KIF16B: variants seen among roughly 807,000 people sequenced by gnomAD.
KIF16B encodes kinesin-like protein KIF16B.
Under a neutral mutation model 156.3 loss-of-function variants are expected in KIF16B, and 98 were observed. The ratio of observed to expected loss-of-function variants is 0.63; its 90% CI spans 0.53 to 0.74. The LOEUF (loss-of-function observed/expected upper bound fraction) is 0.74. Ranked by LOEUF, KIF16B falls within the 30% of genes least tolerant of loss-of-function variation. The pLI is 0.00. For missense variants in KIF16B, 1,421 were observed against 1,606.5 expected (o/e 0.88, Z 1.97); for synonymous variants, 564 against 583.7 (o/e 0.97, Z 0.49).
At chr20:16,431,910 G>A (rs941589327) in intron 12 of KIF16B, among the ~76,000 whole-genome samples, 11 of 56,282 alleles carry the variant, frequency 2.0e-4, no homozygotes, top group African/African-American at 8.4e-4. Context: ...ATATGTATAC[G>A]TATACACACA....
intron 24 of KIF16B, among the ~76,000 whole-genome samples, chr20:16,317,195 G>C (rs1359467461): frequency 6.6e-6 from 1 of 152,066 alleles, no homozygotes; most frequent in Non-Finnish European, 1.5e-5. Context: ...TAACAGAACA[G>C]ATATTCTAGT....
At chr20:16,394,521 C>T (rs753442010) in intron 17 of KIF16B, among the ~76,000 whole-genome samples, 5 of 152,112 alleles carry the variant, frequency 3.3e-5, no homozygotes, top group Middle Eastern at 3.2e-3. Context: ...TCCATAAAAA[C>T]GCAAGACAAC....
intron 19 of KIF16B, among the ~76,000 whole-genome samples, chr20:16,377,755 C>T (rs2064989615): frequency 6.6e-6 from 1 of 152,152 alleles, no homozygotes; most frequent in Non-Finnish European, 1.5e-5. Context: ...GGCTGTTGGC[C>T]TTTCTGTGAG....
intron 14 of KIF16B, 33 bp from the exon 15 acceptor site, chr20:16,427,274 T>C (rs200966906): frequency 1.6e-5 from 26 of 1,589,428 alleles, no homozygotes; most frequent in Non-Finnish European, 2.1e-5. Context: ...AAAGAATTTT[T>C]CCCCCTTTTC....
intron 23 of KIF16B, among the ~76,000 whole-genome samples, chr20:16,351,861 T>C (rs2064345331): frequency 6.6e-6 from 1 of 152,160 alleles, no homozygotes; most frequent in Non-Finnish European, 1.5e-5. Context: ...GGTAAGAATA[T>C]TAAAACAAAC....
intron 1 of KIF16B, among the ~76,000 whole-genome samples, chr20:16,540,055 TA>T (rs1417211716): frequency 6.6e-6 from 1 of 152,168 alleles, no homozygotes; most frequent in African/African-American, 2.4e-5. Flanking sequence ...AAAATGAAAA[TA>T]AAAACTATAC....
intron 25 of KIF16B, among the ~76,000 whole-genome samples, chr20:16,294,402 G>A (rs1414181591): frequency 2.6e-5 from 4 of 152,182 alleles, no homozygotes; most frequent in African/African-American, 9.7e-5. Flanking sequence ...GTGAGTGAGA[G>A]AAAAAGAGAA....
At chr20:16,344,814 C>G (rs1472699458) in intron 23 of KIF16B, among the ~76,000 whole-genome samples, 1 of 152,176 alleles carries the variant, frequency 6.6e-6, no homozygotes, top group Non-Finnish European at 1.5e-5. Context: ...ATAATGAACT[C>G]GGTTTACTGA....
rs149329289 is a variant in KIF16B, at chr20:16,433,317, T to C, written c.1303-3335A>G. Among the ~76,000 whole-genome samples, 624 of 152,246 alleles carry C rather than the reference T, an allele frequency of 4.1e-3. 5 individuals are homozygous for C. Among genetic ancestry groups the C allele is most frequent in the African/African-American group, 0.014 (595 of 41,540 alleles). On this transcript the variant is annotated intron_variant, in intron 12 of 25. Coordinates refer to ENST00000354981, the MANE Select transcript of KIF16B (RefSeq NM_024704.5). ...GACCATTCTCGTAAGTCCACAGGCA[T>C]GTGTATTTTCTTTCTGTACAGAAGT...
intron 1 of KIF16B, among the ~76,000 whole-genome samples, chr20:16,566,900 T>C (rs986497871): frequency 6.6e-6 from 1 of 152,248 alleles, no homozygotes; most frequent in Non-Finnish European, 1.5e-5. Flanking sequence ...CTGGCCAGCA[T>C]AGGGATCTAG....
chr20:16,374,270 G>A lies in KIF16B; in HGVS notation c.3337C>T (p.Leu1113Phe), dbSNP rs1398262204. Reference sequence around the variant, plus strand: ...CATGTCCAGTACCTGGCATCCATGAGGGGAACCAGGTGTGATTTTTCAGCA... The same window carrying A: ...CATGTCCAGTACCTGGCATCCATGAAGGGAACCAGGTGTGATTTTTCAGCA... ...VSAEKSHLVP[L>F]MDARINAYIE... The change falls in exon 20 of 26, where the codon CTC becomes TTC. Residue 1113 changes from leucine (L) to phenylalanine (F), a missense_variant. Leu to Phe is a conservative substitution (Grantham distance 22). Transcript: ENST00000354981. 1 of 1,586,802 alleles carries A rather than the reference G, an allele frequency of 6.3e-7. No homozygotes were observed. The highest frequency in any genetic ancestry group is 1.3e-5 in the African/African-American group (1 of 74,266).
rs966041043 is a variant in KIF16B at position 16,374,745 on chromosome 20, G to A, written c.3198-336C>T. Among the ~76,000 whole-genome samples the A allele has an allele frequency of 2.0e-5, 3 of 152,192 alleles. No individual in the cohort carries two copies. The East Asian group carries it at 5.8e-4, about 29-fold the overall frequency. On this transcript the variant is annotated intron_variant, in intron 19 of 25. Coordinates refer to ENST00000354981, the MANE Select transcript of KIF16B (RefSeq NM_024704.5). ...CTAACTGCTGCTTCAAAAAGAGTTG[G>A]TTGTGGACTACACATCAGGGTTCTG...
intron 25 of KIF16B, among the ~76,000 whole-genome samples, chr20:16,308,541 G>A (rs924901677): frequency 6.6e-6 from 1 of 152,204 alleles, no homozygotes; most frequent in Non-Finnish European, 1.5e-5. Context: ...TATGAACTGT[G>A]GCTTTGCCAC....
chr20:16,446,949 T>C lies in KIF16B; in HGVS notation c.1303-16967A>G, dbSNP rs1196459606. 3.3e-5 allele frequency among the ~76,000 whole-genome samples: 5 copies of C among 152,328 alleles called. No individual in the cohort carries two copies. In the East Asian group the frequency reaches 9.7e-4, roughly 29 times the overall value. On this transcript the variant is annotated intron_variant, in intron 12 of 25. Coordinates refer to ENST00000354981, the MANE Select transcript of KIF16B (RefSeq NM_024704.5). ...TAAATTCACCCATATTCACCAACTC[T>C]ACTCCCACATTTTCAGAACAAGGAC...
At chr20:16,545,902 T>TAAA (rs747500160) in intron 1 of KIF16B, among the ~76,000 whole-genome samples, 1 of 139,340 alleles carries the variant, frequency 7.2e-6, no homozygotes, top group Non-Finnish European at 1.6e-5. Flanking sequence ...AGTGGCAGCT[T>TAAA]ACAAAAAAAA....
chr20:16,506,738 T>C (rs1402533171), intron 7 of KIF16B, among the ~76,000 whole-genome samples: 1 of 152,142 alleles, frequency 6.6e-6, no homozygotes, highest in Non-Finnish European at 1.5e-5. Flanking sequence ...GTGTTACATT[T>C]TGAACCAAAA....
In KIF16B at chr20:16,487,850, A is replaced by G. The variant is rs568215555; in HGVS notation, c.1302+6441T>C. ...CAGTCATTTACATTAGGATCCCATCATCACATGGATTCAAATATGCTCCAT... is the reference window on the plus strand; with the variant it reads ...CAGTCATTTACATTAGGATCCCATCGTCACATGGATTCAAATATGCTCCAT... On this transcript the variant is annotated intron_variant, in intron 12 of 25. Coordinates refer to ENST00000354981, the MANE Select transcript of KIF16B (RefSeq NM_024704.5). Among the ~76,000 whole-genome samples, 19 of 152,340 alleles carry G rather than the reference A, an allele frequency of 1.2e-4. 2 individuals carry two copies. The highest frequency in any genetic ancestry group is 7.8e-4 in the Admixed American group (12 of 15,306).
intron 3 of KIF16B, among the ~76,000 whole-genome samples, chr20:16,519,105 A>T (rs2069241872): frequency 6.6e-6 from 1 of 152,238 alleles, no homozygotes; most frequent in Non-Finnish European, 1.5e-5. Context: ...AAAATTTAAC[A>T]CATTTGATTC....
intron 15 of KIF16B, among the ~76,000 whole-genome samples, chr20:16,408,039 T>A (rs1216265180): frequency 6.6e-6 from 1 of 152,252 alleles, no homozygotes; most frequent in East Asian, 1.9e-4. Context: ...TTGGGTAATA[T>A]CTTCACCTGG....
Sources: allele counts gnomAD v4.1 joint callset (sites outside exome capture counted in the v4.1 genomes callset), GRCh38; gene constraint gnomAD v4.1.1; transcripts MANE v1.5; gene names NCBI Gene and HGNC (gene_info 2026-07-23, HGNC 2026-07-21).